The following FDFT1 variants were observed in gnomAD, a reference collection of about 807,000 sequenced individuals.
The protein encoded by FDFT1 is squalene synthase.
FDFT1 carries 68 observed loss-of-function variants against 46.8 expected under a neutral mutation model. The ratio of observed to expected loss-of-function variants is 1.45; its 90% CI spans 1.19 to 1.78. The LOEUF is 1.78. Among genes scored for constraint, FDFT1 ranks in the 40% most tolerant of loss-of-function variants. FDFT1 has a pLI of 0.00. For synonymous variants in FDFT1, 351 were observed against 185.1 expected (o/e 1.90, Z -7.28); for missense variants, 928 against 524.4 (o/e 1.77, Z -7.52).
At chr8:11,823,817 C>T (rs1053206246) in intron 4 of FDFT1, among the ~76,000 whole-genome samples, 1 of 152,166 alleles carries the variant, frequency 6.6e-6, no homozygotes, top group Admixed American at 6.5e-5. Context: ...GATCAAGGCT[C>T]ACTGCAGCCT....
upstream of FDFT1, among the ~76,000 whole-genome samples, chr8:11,800,758 G>T (rs1806032576): frequency 1.3e-5 from 2 of 152,314 alleles, no homozygotes; most frequent in African/African-American, 4.8e-5. Flanking sequence ...AATAAAGTTT[G>T]CTTCTAAGAG....
At chr8:11,799,391 A>G (rs538904273), upstream of FDFT1, among the ~76,000 whole-genome samples, 1 of 152,152 alleles carries the variant, frequency 6.6e-6, no homozygotes. Flanking sequence ...CTGGAGAAAA[A>G]GAAGAGCCCT....
chr8:11,837,705 T>G (rs1468228535), intron 7 of FDFT1, among the ~76,000 whole-genome samples: 1 of 152,124 alleles, frequency 6.6e-6, no homozygotes, highest in East Asian at 1.9e-4. Flanking sequence ...GTTTGAGATC[T>G]CCTTGGTGAC....
At chr8:11,796,548 G>C (rs966948648) in intron 1 of FDFT1, among the ~76,000 whole-genome samples, 1 of 152,226 alleles carries the variant, frequency 6.6e-6, no homozygotes, top group Non-Finnish European at 1.5e-5. Flanking sequence ...GACACTCCGA[G>C]GCAGGCAGGG....
Position 11,838,843 on chromosome 8 carries a change from T to C in FDFT1, c.*234T>C, listed in dbSNP as rs3258. On this transcript the variant is annotated 3_prime_UTR_variant, in exon 8 of 8. Transcript: ENST00000220584. ...TGGGTGATGATCACTGTGCTGCTTG[T>C]GGCTCATGGCAGAGCATTCAGTGCC... is the stretch of plus-strand genomic sequence containing the variant. 0.38 allele frequency: 205,275 copies of C among 534,182 alleles called. 40,348 individuals carry two copies. Among genetic ancestry groups the C allele is most frequent in the East Asian group, 0.52 (15,558 of 29,974 alleles). 33.1% of individuals were successfully genotyped at this position (534,182 alleles called of 1,614,324 possible).
intron 4 of FDFT1, among the ~76,000 whole-genome samples, chr8:11,824,544 C>T (rs1809698778): frequency 6.6e-6 from 1 of 152,156 alleles, no homozygotes; most frequent in African/African-American, 2.4e-5. Context: ...CCTCCTACTT[C>T]AGCCCCCTGA....
At chr8:11,828,062 TGTG>T (rs1810251106) in intron 5 of FDFT1, among the ~76,000 whole-genome samples, 1 of 151,604 alleles carries the variant, frequency 6.6e-6, no homozygotes, top group African/African-American at 2.4e-5. Context: ...ATTAGCCAAG[TGTG>T]GTGGCATACG....
rs763789568 is a variant in FDFT1, at chr8:11,838,444, C to T, written c.1089C>T (p.Ile363=). The change falls in exon 8 of 8, where the codon ATC becomes ATT. Residue 363 remains isoleucine (I), a synonymous_variant. Coordinates refer to ENST00000220584, the MANE Select transcript of FDFT1 (RefSeq NM_004462.5). ...CTTCTAGCAAAACAAGGCAGATCATCTCCACCATCCGGACGCAGAATCTTC... is the reference window on the plus strand; with the variant it reads ...CTTCTAGCAAAACAAGGCAGATCATTTCCACCATCCGGACGCAGAATCTTC... ...DPSSSKTRQI[I]STIRTQNLPN... is the part of the protein sequence containing the mutation. 1.9e-6 allele frequency: 3 copies of T among 1,609,956 alleles called. No homozygotes were observed. The highest frequency in any genetic ancestry group is 1.1e-5 in the South Asian group (1 of 90,506).
intron 7 of FDFT1, among the ~76,000 whole-genome samples, chr8:11,832,365 G>C (rs939761799): frequency 1.3e-5 from 2 of 151,374 alleles, no homozygotes; most frequent in Admixed American, 6.6e-5. Context: ...GACCAGCCCG[G>C]GCGACATAGC....
Position 11,808,449 on chromosome 8 carries a change from C to T in FDFT1, c.100-345C>T, listed in dbSNP as rs1382104697. On this transcript the variant is annotated intron_variant, in intron 1 of 7. Coordinates refer to ENST00000220584, the MANE Select transcript of FDFT1 (RefSeq NM_004462.5). ...CGAGTAGAGGGCGAGCCCGTCCCGC[C>T]CCTCGTCGGGCGCTTCCCAGATCTG... 293 of 1,271,292 alleles carry T rather than the reference C, an allele frequency of 2.3e-4. 1 individual carries two copies. Among genetic ancestry groups the T allele is most frequent in the Non-Finnish European group, 3.6e-5 (36 of 1,012,258 alleles). 78.8% of individuals were successfully genotyped at this position (1,271,292 alleles called of 1,614,324 possible).
chr8:11,832,550 T>TCAAAAAAAAAAAAAAAA (rs1810949510), intron 7 of FDFT1, among the ~76,000 whole-genome samples: 1 of 13,412 alleles, frequency 7.5e-5, no homozygotes, highest in Non-Finnish European at 1.8e-4. Context: ...AGACTTTGTC[T>TCAAAAAAAAAAAAAAAA]CAAAAAAAAA....
Position 11,811,944 on chromosome 8 carries a change from A to G in FDFT1, c.381+2094A>G, listed in dbSNP as rs117209295. ...TGTCTTCTTAAGGAGTGATTTGTGT[A>G]TGTGCTGATATAGCTCAGTATGTCT... On this transcript the variant is annotated intron_variant, in intron 3 of 7. Coordinates refer to ENST00000220584, the MANE Select transcript of FDFT1 (RefSeq NM_004462.5). 1.3e-3 allele frequency among the ~76,000 whole-genome samples: 198 copies of G among 152,324 alleles called. 2 individuals carry two copies. The East Asian group carries it at 0.032, about 24-fold the overall frequency.
intron 3 of FDFT1, among the ~76,000 whole-genome samples, chr8:11,810,289 C>T (rs563040393): frequency 2.0e-5 from 3 of 152,270 alleles, no homozygotes; most frequent in East Asian, 1.9e-4. Flanking sequence ...AAAAGCCTGC[C>T]GACTGTATGA....
intron 4 of FDFT1, among the ~76,000 whole-genome samples, chr8:11,824,186 C>G (rs1250091463): frequency 6.6e-6 from 1 of 152,118 alleles, no homozygotes; most frequent in African/African-American, 2.4e-5. Context: ...CCTAATGACA[C>G]TCCAGAGCTT....
intron 4 of FDFT1, among the ~76,000 whole-genome samples, chr8:11,825,084 G>A (rs1377965476): frequency 6.6e-6 from 1 of 152,160 alleles, no homozygotes; most frequent in African/African-American, 2.4e-5. Flanking sequence ...ATAGTTATTT[G>A]TTCTTTCATA....
At chr8:11,808,633 G>A (rs1033956521) in intron 1 of FDFT1, 161 bp from the exon 2 acceptor site, 34 of 1,397,152 alleles carry the variant, frequency 2.4e-5, no homozygotes, top group Middle Eastern at 1.9e-4. Flanking sequence ...CGGGGCTGCT[G>A]CTTGCCTCCT....
chr8:11,818,763 G>A (rs1223788385), intron 3 of FDFT1, among the ~76,000 whole-genome samples: 2 of 152,052 alleles, frequency 1.3e-5, no homozygotes, highest in Non-Finnish European at 2.9e-5. Flanking sequence ...ACGTGAGACG[G>A]GTCTCCTGAA....
chr8:11,801,801 C>A (rs952246175), upstream of FDFT1: 4 of 367,826 alleles, frequency 1.1e-5, no homozygotes, highest in African/African-American at 2.1e-5. Flanking sequence ...TCAAGTGATT[C>A]TCCTGCCTCA....
At chr8:11,838,330 TA>T in intron 7 of FDFT1, 57 bp from the exon 8 acceptor site, 1 of 1,337,164 alleles carries the variant, frequency 7.5e-7, no homozygotes, top group Non-Finnish European at 1.1e-6. Flanking sequence ...TTGTTGTAAG[TA>T]GCCATGGAAA....
Sources: gnomAD v4.1 joint callset for allele counts (sites outside exome capture counted in the v4.1 genomes callset) on GRCh38, gnomAD v4.1.1 for gene constraint, MANE v1.5 for transcripts, NCBI Gene and HGNC (gene_info 2026-07-23, HGNC 2026-07-21) for gene names.